Variants in DENND5A observed in about 807,000 individuals in gnomAD.
The protein encoded by DENND5A is DENN domain containing 5A, also known as DENN domain-containing protein 5A.
In DENND5A, 64 loss-of-function variants were observed where a neutral mutation model predicts 140.3. The ratio of observed to expected loss-of-function variants is 0.46; its 90% CI spans 0.37 to 0.56. The LOEUF is 0.56. Ranked by LOEUF, DENND5A falls within the 20% of genes least tolerant of loss-of-function variation. The pLI, the probability that DENND5A is intolerant of heterozygous loss-of-function variation, is 0.00. For missense variants in DENND5A, 1,292 were observed against 1,593.8 expected, an observed-to-expected ratio of 0.81 and a Z score of 3.22; for synonymous variants, 605 against 607.7, an observed-to-expected ratio of 1.00 and a Z score of 0.07.
At chr11:9,254,158 GAA>G (rs10718465) in intron 1 of DENND5A, among the ~76,000 whole-genome samples, 17,082 of 91,838 alleles carry the variant, frequency 0.19, 1,040 homozygotes, top group Non-Finnish European at 0.23. Context: ...CTCTGTCTCA[GAA>G]AAAAAAAAAA....
chr11:9,179,998 CAGTG>C (rs1473355743), intron 6 of DENND5A, among the ~76,000 whole-genome samples: 1 of 152,106 alleles, frequency 6.6e-6, no homozygotes, highest in Non-Finnish European at 1.5e-5. Context: ...AGTAATTTAA[CAGTG>C]AGAATTCAAG....
intron 15 of DENND5A, among the ~76,000 whole-genome samples, chr11:9,148,045 G>A (rs1181777903): frequency 1.3e-5 from 2 of 152,212 alleles, no homozygotes; most frequent in African/African-American, 2.4e-5. Context: ...GTGCTGGAGA[G>A]GAAAGCGCCT....
intron 8 of DENND5A, chr11:9,175,255 A>G (rs1848508752): frequency 6.6e-6 from 1 of 152,200 alleles, no homozygotes. Flanking sequence ...AATTTAAAAT[A>G]ACACCAAAAA....
At chr11:9,264,150 G>A (rs1590357155) in intron 1 of DENND5A, among the ~76,000 whole-genome samples, 1 of 152,044 alleles carries the variant, frequency 6.6e-6, no homozygotes, top group South Asian at 2.1e-4. Context: ...GAAAATTCAC[G>A]GGGACTGTAT....
chr11:9,248,817 T>A (rs1851590624), intron 1 of DENND5A, among the ~76,000 whole-genome samples: 1 of 152,168 alleles, frequency 6.6e-6, no homozygotes, highest in South Asian at 2.1e-4. Context: ...TTCAACAATA[T>A]TAACAATATA....
chr11:9,194,657 T>C (rs367977196), intron 4 of DENND5A, among the ~76,000 whole-genome samples: 17 of 152,010 alleles, frequency 1.1e-4, no homozygotes, highest in African/African-American at 2.9e-4. Flanking sequence ...TCAGAGATCA[T>C]AGCCTAAAGG....
chr11:9,207,458 C>T (rs888433630), intron 2 of DENND5A, 103 bp downstream of exon 2: 3 of 829,294 alleles, frequency 3.6e-6, no homozygotes, highest in Non-Finnish European at 5.9e-6. Context: ...TCAAAAAAGG[C>T]ACAAGAAAGT....
chr11:9,218,877 A>C (rs1216057617), intron 1 of DENND5A, among the ~76,000 whole-genome samples: 2 of 152,056 alleles, frequency 1.3e-5, no homozygotes, highest in African/African-American at 4.8e-5. Context: ...GTAGTGGCAC[A>C]TGCCTGTAAT....
At chr11:9,233,589 G>C (rs1850870144) in intron 1 of DENND5A, among the ~76,000 whole-genome samples, 1 of 151,966 alleles carries the variant, frequency 6.6e-6, no homozygotes, top group African/African-American at 2.4e-5. Flanking sequence ...GTAGTTGAGT[G>C]TACCCAAAAT....
At chr11:9,142,934 G>T in intron 20 of DENND5A, 89 bp from the exon 21 acceptor site, 1 of 1,535,540 alleles carries the variant, frequency 6.5e-7, no homozygotes. Context: ...GCCCAGAGTT[G>T]GGAGGGCTGC....
intron 1 of DENND5A, among the ~76,000 whole-genome samples, chr11:9,220,761 T>C (rs1850278567): frequency 6.6e-6 from 1 of 151,076 alleles, no homozygotes; most frequent in Admixed American, 6.6e-5. Context: ...GGCATGGTGG[T>C]GGGTACCTGT....
chr11:9,231,676 TTGCATTCCAGCCTGGGCAAC>T (rs1850776709), intron 1 of DENND5A, among the ~76,000 whole-genome samples: 1 of 127,248 alleles, frequency 7.9e-6, no homozygotes, highest in Admixed American at 1.0e-4. Context: ...GATCGCGCCA[TTGCATTCCAGCCTGGGCAAC>T]AAGAGCGAAA....
chr11:9,194,907 C>T (rs536706263), intron 4 of DENND5A, among the ~76,000 whole-genome samples: 7 of 150,828 alleles, frequency 4.6e-5, no homozygotes, highest in South Asian at 2.1e-4. Context: ...TTGGTAGAGA[C>T]GGGGTTTCAC....
chr11:9,232,929 C>T (rs182830001), intron 1 of DENND5A, among the ~76,000 whole-genome samples: 1 of 152,176 alleles, frequency 6.6e-6, no homozygotes, highest in East Asian at 1.9e-4. Context: ...TATGAATGAA[C>T]CTCTCAAATA....
At chr11:9,184,458 T>C (rs1201281949) in intron 5 of DENND5A, among the ~76,000 whole-genome samples, 4 of 152,236 alleles carry the variant, frequency 2.6e-5, no homozygotes, top group Non-Finnish European at 5.9e-5. Context: ...TATATGGGTA[T>C]ATCCTAGGAG....
At chr11:9,216,393 A>C (rs1346124689) in intron 1 of DENND5A, among the ~76,000 whole-genome samples, 1 of 152,196 alleles carries the variant, frequency 6.6e-6, no homozygotes, top group African/African-American at 2.4e-5. Flanking sequence ...ACCTTGCTAA[A>C]ACAATGGAGG....
At chr11:9,253,189 C>G (rs1851804017) in intron 1 of DENND5A, among the ~76,000 whole-genome samples, 1 of 152,064 alleles carries the variant, frequency 6.6e-6, no homozygotes, top group Non-Finnish European at 1.5e-5. Flanking sequence ...AGCCCAAGTA[C>G]ACCTTCCAAC....
At chr11:9,158,872 C>A (rs1847891336) in intron 12 of DENND5A, among the ~76,000 whole-genome samples, 1 of 152,154 alleles carries the variant, frequency 6.6e-6, no homozygotes. Context: ...AAAATTCACA[C>A]TTTTAAAGTA....
chr11:9,148,615 T>C (rs1199882998), intron 15 of DENND5A, among the ~76,000 whole-genome samples: 3 of 151,756 alleles, frequency 2.0e-5, no homozygotes, highest in African/African-American at 4.8e-5. Context: ...AAGCAAGGAG[T>C]CAAAACTGAC....
Sources: gnomAD v4.1 joint callset for allele counts (sites outside exome capture counted in the v4.1 genomes callset) on GRCh38, gnomAD v4.1.1 for gene constraint, MANE v1.5 for transcripts, NCBI Gene and HGNC (gene_info 2026-07-23, HGNC 2026-07-21) for gene names.